ASIC2: variants seen among roughly 807,000 people sequenced by gnomAD.
The protein encoded by ASIC2 is acid-sensing ion channel 2.
A neutral mutation model predicts 57.3 loss-of-function variants in ASIC2; 25 were observed. The observed-to-expected ratio is 0.44, with a 90% CI of 0.32 to 0.61. The LOEUF is 0.61. ASIC2 is among the 20% of genes least tolerant of loss of function. The probability of loss-of-function intolerance (pLI) is 0.06; values close to 1 mark genes in which losing one functional copy is unlikely to be tolerated. For synonymous variants in ASIC2, 319 were observed against 307.5 expected (o/e 1.04, Z -0.39); for missense variants, 641 against 738.1 (o/e 0.87, Z 1.52).
chr17:34,011,365 C>G (rs1195517199), intron 1 of ASIC2, among the ~76,000 whole-genome samples: 3 of 152,112 alleles, frequency 2.0e-5, no homozygotes, highest in Non-Finnish European at 4.4e-5. Context: ...AGGTCACTCA[C>G]TAAGGCAAGG....
chr17:33,407,551 A>G (rs1910513224), intron 1 of ASIC2, among the ~76,000 whole-genome samples: 1 of 152,150 alleles, frequency 6.6e-6, no homozygotes, highest in Non-Finnish European at 1.5e-5. Flanking sequence ...AATTCTCTAA[A>G]ATTCTCAACT....
chr17:33,029,124 T>C (rs1039064852), intron 3 of ASIC2, among the ~76,000 whole-genome samples: 5 of 152,230 alleles, frequency 3.3e-5, no homozygotes, highest in South Asian at 2.1e-4. Flanking sequence ...ATATCCATTT[T>C]TCAAGATTAA....
At chr17:33,247,352 G>T (rs1908725288) in intron 1 of ASIC2, among the ~76,000 whole-genome samples, 1 of 152,134 alleles carries the variant, frequency 6.6e-6, no homozygotes, top group Non-Finnish European at 1.5e-5. Flanking sequence ...TACAAAGTGA[G>T]GTGTGGTTTC....
chr17:33,604,266 A>G (rs1032735504), intron 1 of ASIC2, among the ~76,000 whole-genome samples: 2 of 152,216 alleles, frequency 1.3e-5, no homozygotes, highest in African/African-American at 2.4e-5. Flanking sequence ...GGTTGTTTGT[A>G]TTCTGAGGCT....
intron 1 of ASIC2, among the ~76,000 whole-genome samples, chr17:34,085,243 C>T (rs1470641918): frequency 6.6e-6 from 1 of 152,148 alleles, no homozygotes; most frequent in East Asian, 1.9e-4. Flanking sequence ...GAGTTTTTAG[C>T]ATGAAGGTTG....
At chr17:33,675,410 G>T (rs950901682) in intron 1 of ASIC2, among the ~76,000 whole-genome samples, 10 of 152,154 alleles carry the variant, frequency 6.6e-5, no homozygotes, top group Admixed American at 2.6e-4. Context: ...CCCGTGATCA[G>T]CTCCACACCT....
chr17:33,185,997 CAGAGAGTAAA>C (rs1423649061), intron 1 of ASIC2, among the ~76,000 whole-genome samples: 1 of 152,192 alleles, frequency 6.6e-6, no homozygotes, highest in Non-Finnish European at 1.5e-5. Flanking sequence ...TGTAAAGGGA[CAGAGAGTAAA>C]TATCTTATTA....
intron 1 of ASIC2, among the ~76,000 whole-genome samples, chr17:33,829,867 T>G (rs974600358): frequency 6.6e-6 from 1 of 152,106 alleles, no homozygotes; most frequent in Non-Finnish European, 1.5e-5. Flanking sequence ...CCACCCTATG[T>G]TAAACATTTT....
At chr17:33,528,110 C>T (rs1373960741) in intron 1 of ASIC2, among the ~76,000 whole-genome samples, 5 of 148,884 alleles carry the variant, frequency 3.4e-5, no homozygotes, top group East Asian at 2.1e-4. Flanking sequence ...ACCACGCCCT[C>T]GTAGGAGGTG....
chr17:33,938,406 G>C (rs1916114070), intron 1 of ASIC2, among the ~76,000 whole-genome samples: 1 of 152,148 alleles, frequency 6.6e-6, no homozygotes, highest in African/African-American at 2.4e-5. Flanking sequence ...CATTTAGCTG[G>C]TGAGGGCTCT....
intron 1 of ASIC2, among the ~76,000 whole-genome samples, chr17:33,508,917 G>A (rs1032487070): frequency 2.0e-5 from 3 of 152,180 alleles, no homozygotes; most frequent in Admixed American, 1.3e-4. Flanking sequence ...CCTGAATGGA[G>A]TTCAGTTGAC....
intron 1 of ASIC2, among the ~76,000 whole-genome samples, chr17:33,741,655 G>A (rs1910116089): frequency 6.6e-6 from 1 of 152,314 alleles, no homozygotes. Flanking sequence ...ATCCATCTCA[G>A]CTTCTAAAAT....
At chr17:33,912,329 T>C (rs1915486632) in intron 1 of ASIC2, among the ~76,000 whole-genome samples, 3 of 148,316 alleles carry the variant, frequency 2.0e-5, no homozygotes, top group Admixed American at 1.4e-4. Context: ...CCGTCTCTGT[T>C]AAAAAATACA....
chr17:33,407,499 C>A (rs1202351811), intron 1 of ASIC2, among the ~76,000 whole-genome samples: 2 of 152,236 alleles, frequency 1.3e-5, no homozygotes, highest in Admixed American at 1.3e-4. Flanking sequence ...AACCATCCTC[C>A]TGATACTCCC....
chr17:33,014,669 G>A (rs2091796509), intron 9 of ASIC2, among the ~76,000 whole-genome samples: 1 of 152,106 alleles, frequency 6.6e-6, no homozygotes, highest in African/African-American at 2.4e-5. Context: ...GAGGCTGGGA[G>A]GGATGGGAGC....
intron 1 of ASIC2, among the ~76,000 whole-genome samples, chr17:34,139,838 T>C (rs1912225501): frequency 6.6e-6 from 1 of 152,156 alleles, no homozygotes; most frequent in Admixed American, 6.5e-5. Flanking sequence ...TGTTCAAAAA[T>C]TCAGAATGCC....
chr17:33,343,854 G>A (rs1907834093), intron 1 of ASIC2, among the ~76,000 whole-genome samples: 5 of 152,160 alleles, frequency 3.3e-5, no homozygotes. Flanking sequence ...AAAGTCATGG[G>A]GGAATCCCCA....
At chr17:33,583,949 G>C (rs898818672) in intron 1 of ASIC2, among the ~76,000 whole-genome samples, 2 of 152,194 alleles carry the variant, frequency 1.3e-5, no homozygotes, top group African/African-American at 4.8e-5. Context: ...GGCTCCTGGA[G>C]CTGAGGGTGG....
intron 1 of ASIC2, among the ~76,000 whole-genome samples, chr17:33,647,541 G>C (rs1002674287): frequency 3.9e-5 from 6 of 152,198 alleles, no homozygotes; most frequent in African/African-American, 1.2e-4. Flanking sequence ...ACCTGATAAT[G>C]AGGGGCAGAC....
Sources: allele counts gnomAD v4.1 joint callset (sites outside exome capture counted in the v4.1 genomes callset), GRCh38; gene constraint gnomAD v4.1.1; transcripts MANE v1.5; gene names NCBI Gene and HGNC (gene_info 2026-07-23, HGNC 2026-07-21).